Variants in COX6B2 observed in about 807,000 individuals in gnomAD.
COX6B2 encodes COX VIb-2.
In COX6B2, 12 loss-of-function variants were observed where a neutral mutation model predicts 13.7. The observed-to-expected ratio is 0.87, with a 90% CI of 0.56 to 1.41. The LOEUF (loss-of-function observed/expected upper bound fraction) is 1.41. COX6B2 is among the 40% of genes most tolerant of loss of function. The pLI, the probability that COX6B2 is intolerant of heterozygous loss-of-function variation, is 0.00. For synonymous variants in COX6B2, 56 were observed against 46.6 expected (o/e 1.20, Z -0.82); for missense variants, 130 against 118.3 (o/e 1.10, Z -0.46).
rs1203438611 is a variant in COX6B2, at chr19:55,354,147, C to G, written c.113-181G>C. The G allele has an allele frequency of 1.4e-5, 9 of 649,982 alleles. No individual in the cohort carries two copies. In the East Asian group the frequency reaches 2.2e-4, roughly 16 times the overall value. 40.3% of individuals were successfully genotyped at this position (649,982 alleles called of 1,614,324 possible). On this transcript the variant is annotated intron_variant, in intron 2 of 4. Coordinates refer to ENST00000326529, the MANE Select transcript of COX6B2 (RefSeq NM_144613.5). ...TACCTCCCTCACACTGCTCCTCCTA[C>G]CCAGACCCTGCCCCTACCTACCTCG... is the stretch of plus-strand genomic sequence containing the variant.
In COX6B2 at chr19:55,354,695, G is replaced by T; in HGVS notation, c.-64C>A. ...CTGGATCTGCTGTGGGATGGTCCCG[G>T]GGTGCCGCTCGCTTCTGAGTCCGCG... is the stretch of plus-strand genomic sequence containing the variant. On this transcript the variant is annotated 5_prime_UTR_variant, in exon 1 of 5. Coordinates refer to ENST00000326529, the MANE Select transcript of COX6B2 (RefSeq NM_144613.5). 1 of 579,818 alleles carries T rather than the reference G, an allele frequency of 1.7e-6. No homozygotes were observed. The highest frequency in any genetic ancestry group is 2.1e-5 in the South Asian group (1 of 48,646). 35.9% of individuals were successfully genotyped at this position (579,818 alleles called of 1,614,324 possible).
chr19:55,353,982 G>A lies in COX6B2; in HGVS notation c.113-16C>T, dbSNP rs12461665. On this transcript the variant is annotated splice_polypyrimidine_tract_variant and intron_variant, in intron 2 of 4. Coordinates refer to ENST00000326529, the MANE Select transcript of COX6B2 (RefSeq NM_144613.5). Reference sequence around the variant, plus strand: ...CGGTGGTAGTCTGTGGCGGGCGGGGGTCACGCGGCAAGCCACGCCCATTCC... The same window carrying A: ...CGGTGGTAGTCTGTGGCGGGCGGGGATCACGCGGCAAGCCACGCCCATTCC... The A allele has an allele frequency of 0.55, 838,453 of 1,534,676 alleles. 233,145 individuals are homozygous for A. The highest frequency in any genetic ancestry group is 0.76 in the East Asian group (31,209 of 40,806).
Position 55,354,705 on chromosome 19 carries a change from C to G in COX6B2, c.-74G>C, listed in dbSNP as rs2089697466. The G allele has an allele frequency of 3.5e-6, 2 of 564,174 alleles. No individual in the cohort carries two copies. Among genetic ancestry groups the G allele is most frequent in the Non-Finnish European group, 3.1e-6 (1 of 317,954 alleles). The allele number at this position is 564,174 out of a possible 1,614,324, so 34.9% of individuals were successfully genotyped here. On this transcript the variant is annotated 5_prime_UTR_variant, in exon 1 of 5. Transcript: ENST00000326529. The stretch of plus-strand genomic sequence containing the variant: ...TGTGGGATGGTCCCGGGGTGCCGCT[C>G]GCTTCTGAGTCCGCGGGGTGCGGTC...
rs199757828 is a variant in COX6B2 at position 55,353,961 on chromosome 19, G to A, written c.118C>T (p.His40Tyr). ...CGGGTCCTGGTCTTGAGGCAGCGGT[G>A]GTAGTCTGTGGCGGGCGGGGGTCAC... ...RNCYQNFLDYHRCLKTRTRRG... is the reference protein window; with the variant it reads ...RNCYQNFLDYYRCLKTRTRRG... Residue 40 changes from histidine to tyrosine, a missense_variant, in exon 3 of 5, where the codon CAC (histidine) becomes TAC (tyrosine). By Grantham distance (83) the His-to-Tyr change is moderately conservative. Transcript: ENST00000326529. 3,748 of 1,547,420 alleles carry A rather than the reference G, an allele frequency of 2.4e-3. 6 individuals are homozygous for A. The highest frequency in any genetic ancestry group is 3.0e-3 in the Non-Finnish European group (3,429 of 1,150,144).
chr19:55,351,160 G>A (rs2089667962), intron 4 of COX6B2, among the ~76,000 whole-genome samples: 1 of 152,162 alleles, frequency 6.6e-6, no homozygotes, highest in Non-Finnish European at 1.5e-5. Flanking sequence ...TGAAGAGGGG[G>A]GCCAGACACT....
intron 2 of COX6B2, 137 bp downstream of exon 2, chr19:55,354,273 A>AGGCCCCGCCCCCACCCACCC (rs2089692481): frequency 6.0e-6 from 4 of 666,502 alleles, no homozygotes; most frequent in African/African-American, 6.3e-5. Flanking sequence ...TTTCTCGACC[A>AGGCCCCGCCCCCACCCACCC]GGCCCCGCCC....
intron 3 of COX6B2, 33 bp downstream of exon 3, chr19:55,353,833 A>C: frequency 6.3e-7 from 1 of 1,587,638 alleles, no homozygotes; most frequent in Non-Finnish European, 8.6e-7. Flanking sequence ...AGCCCTGCAC[A>C]CGCCTGGCCC....
At chr19:55,351,008 G>A (rs2089666788) in intron 4 of COX6B2, among the ~76,000 whole-genome samples, 2 of 152,176 alleles carry the variant, frequency 1.3e-5, no homozygotes, top group South Asian at 4.1e-4. Flanking sequence ...AGAGCTCCAG[G>A]ACTGGTTTAT....
In COX6B2 at chr19:55,350,157, T is replaced by G; in HGVS notation, c.*758A>C. The G allele has an allele frequency of 6.6e-6, 1 of 152,026 alleles. No individual in the cohort carries two copies. The allele number at this position is 152,026 out of a possible 1,614,324, so 9.4% of individuals were successfully genotyped here. On this transcript the variant is annotated 3_prime_UTR_variant, in exon 5 of 5. Transcript: ENST00000326529. This position sits in a 1 kb window ranked among gnomAD's most constrained non-coding sequence, Gnocchi z 4.2. ...AAAATAAAAATAAAAATAAAAATGG[T>G]GAGGGCGTTAGAAACTGGCGATCAG...
At position 55,354,012 on chromosome 19, in the gene COX6B2, C is replaced by A. The variant is rs1335387047; in HGVS notation, c.113-46G>T. ...GCGGCAAGCCACGCCCATTCCAGGA[C>A]AGGACCCGCCCCTCCACTGCTCGGG... On this transcript the variant is annotated intron_variant, in intron 2 of 4. Transcript: ENST00000326529. 1.5e-5 allele frequency: 22 copies of A among 1,450,004 alleles called. No individual in the cohort carries two copies. In the South Asian group the frequency reaches 2.5e-4, roughly 16 times the overall value. The allele number at this position is 1,450,004 out of a possible 1,614,324, so 89.8% of individuals were successfully genotyped here. A position where few individuals can be genotyped will look rare whatever the true frequency, so the allele number is the denominator to read the frequency against.
intron 4 of COX6B2, 61 bp downstream of exon 4, chr19:55,353,546 C>A: frequency 1.5e-6 from 1 of 660,802 alleles, no homozygotes; most frequent in South Asian, 1.9e-5. Context: ...CGGAGGATCC[C>A]CACCACCACC....
At chr19:55,354,576 G>C in intron 1 of COX6B2, 37 bp from the exon 2 acceptor site, 1 of 1,334,588 alleles carries the variant, frequency 7.5e-7, no homozygotes, top group Non-Finnish European at 1.1e-6. Flanking sequence ...CCGTGGGGCC[G>C]AGGGGGCGCC....
At position 55,354,706 on chromosome 19, in the gene COX6B2, G is replaced by A. The variant is rs1600275463; in HGVS notation, c.-75C>T. On this transcript the variant is annotated 5_prime_UTR_variant, in exon 1 of 5. Coordinates refer to ENST00000326529, the MANE Select transcript of COX6B2 (RefSeq NM_144613.5). ...GTGGGATGGTCCCGGGGTGCCGCTC[G>A]CTTCTGAGTCCGCGGGGTGCGGTCC... 3.5e-6 allele frequency: 2 copies of A among 563,990 alleles called. No individual in the cohort carries two copies. Among genetic ancestry groups the A allele is most frequent in the South Asian group, 4.3e-5 (2 of 46,948 alleles). 34.9% of individuals were successfully genotyped at this position (563,990 alleles called of 1,614,324 possible).
At chr19:55,351,229 GGT>G (rs2123212875) in intron 4 of COX6B2, among the ~76,000 whole-genome samples, 1 of 152,310 alleles carries the variant, frequency 6.6e-6, no homozygotes, top group Admixed American at 6.5e-5. Context: ...TAGGAAGTGA[GGT>G]GTCATTATTA....
At position 55,350,673 on chromosome 19, in the gene COX6B2, C is replaced by T. The variant is rs1353543582; in HGVS notation, c.*242G>A. Reference sequence around the variant, plus strand: ...GCAGGGGCCTGGGGTCATGAGTTCACCAAGGTAGCTCAAGGACAGGAAGAA... The same window carrying T: ...GCAGGGGCCTGGGGTCATGAGTTCATCAAGGTAGCTCAAGGACAGGAAGAA... On this transcript the variant is annotated 3_prime_UTR_variant, in exon 5 of 5. Transcript: ENST00000326529. This position sits in a 1 kb window ranked among gnomAD's most constrained non-coding sequence, Gnocchi z 4.2. The T allele has an allele frequency of 2.0e-5, 3 of 152,336 alleles. No individual in the cohort carries two copies. The highest frequency in any genetic ancestry group is 2.0e-4 in the Admixed American group (3 of 15,278). The allele number at this position is 152,336 out of a possible 1,614,324, so 9.4% of individuals were successfully genotyped here.
Position 55,352,088 on chromosome 19 carries a change from A to G in COX6B2, c.*115-1288T>C, listed in dbSNP as rs1457066715. On this transcript the variant is annotated intron_variant, in intron 4 of 4. Coordinates refer to ENST00000326529, the MANE Select transcript of COX6B2 (RefSeq NM_144613.5). The surrounding 1 kb of genome is among the most constrained non-coding windows in gnomAD (Gnocchi z 6.2). ...CTGTGCTTGGGATGTTACCTGGGTG[A>G]CCTCACCAACTTAGCTCCATTCTGT... 1 of 152,112 alleles carries G rather than the reference A, an allele frequency of 6.6e-6. No homozygotes were observed. Among genetic ancestry groups the G allele is most frequent in the African/African-American group, 2.4e-5 (1 of 41,342 alleles). 9.4% of individuals were successfully genotyped at this position (152,112 alleles called of 1,614,324 possible). A position where few individuals can be genotyped will look rare whatever the true frequency, so the allele number is the denominator to read the frequency against.
intron 2 of COX6B2, 159 bp from the exon 3 acceptor site, chr19:55,354,125 C>G (rs2089690743): frequency 1.8e-5 from 12 of 674,648 alleles, no homozygotes; most frequent in Non-Finnish European, 3.1e-5. Flanking sequence ...CGACCCCTAC[C>G]TCCCTCACAC....
In COX6B2 at chr19:55,354,507, T is replaced by G. The variant is rs1362790413; in HGVS notation, c.15A>C (p.Glu5Asp). MLDV[E>D]AQEPPKGKWS... ...ATTTCCCCTTGGGGGGCTCCTGGGC[T>G]TCCACATCCAACATCCACGAAGGAG... Residue 5 changes from glutamate to aspartate, a missense_variant, in exon 2 of 5, where the codon GAA becomes GAC. By Grantham distance (45) the Glu-to-Asp change is conservative. Coordinates refer to ENST00000326529, the MANE Select transcript of COX6B2 (RefSeq NM_144613.5). 6.2e-7 allele frequency: 1 copy of G among 1,612,014 alleles called. No homozygotes were observed. Among genetic ancestry groups the G allele is most frequent in the Non-Finnish European group, 8.5e-7 (1 of 1,178,634 alleles).
chr19:55,353,377 C>T, intron 4 of COX6B2: 2 of 414,768 alleles, frequency 4.8e-6, no homozygotes, highest in Non-Finnish European at 8.9e-6. Context: ...TAGCTGTCAA[C>T]GCGAGGCATC....
Sources: gnomAD v4.1 joint callset for allele counts (sites outside exome capture counted in the v4.1 genomes callset) on GRCh38, gnomAD v4.1.1 for gene constraint, Gnocchi (gnomAD v3.1) non-coding constraint, MANE v1.5 for transcripts, NCBI Gene and HGNC (gene_info 2026-07-23, HGNC 2026-07-21) for gene names.